The following DCBLD1 variants were observed in gnomAD, a reference collection of about 807,000 sequenced individuals.
The protein encoded by DCBLD1 is discoidin, CUB and LCCL domain containing 1, also known as discoidin, CUB and LCCL domain-containing protein 1.
In DCBLD1, 57 loss-of-function variants were observed where a neutral mutation model predicts 71.5. That is an observed-to-expected ratio of 0.80 (90% CI 0.64 to 0.99). DCBLD1 has a LOEUF of 0.99. Among genes scored for constraint, DCBLD1 ranks in the 50% least tolerant of loss-of-function variants. The pLI is 0.00. For synonymous variants in DCBLD1, 380 were observed against 363.8 expected (o/e 1.04, Z -0.51); for missense variants, 891 against 923.5 (o/e 0.96, Z 0.46).
intron 1 of DCBLD1, among the ~76,000 whole-genome samples, chr6:117,503,120 A>G (rs1234838106): frequency 1.3e-5 from 2 of 152,280 alleles, no homozygotes; most frequent in East Asian, 3.9e-4. Context: ...TTGTGTTTCC[A>G]GCTTTTAATA....
At position 117,538,817 on chromosome 6, in the gene DCBLD1, G is replaced by C. The variant is rs1320375153; in HGVS notation, c.958G>C (p.Glu320Gln). ...PREWLEIDLG[E>Q]KKKITGIRTT... The stretch of plus-strand genomic sequence containing the variant: ...AGAGTGGCTGGAGATCGATTTGGGG[G>C]AGAAAAAGAAAATAACAGGTGCAGA... Residue 320 changes from glutamate to glutamine, a missense_variant, in exon 8 of 15, where the codon GAG (glutamate) becomes CAG (glutamine). Coordinates refer to ENST00000338728, the MANE Select transcript of DCBLD1 (RefSeq NM_001366458.2). 6.2e-7 allele frequency: 1 copy of C among 1,613,204 alleles called. No homozygotes were observed. Among genetic ancestry groups the C allele is most frequent in the Non-Finnish European group, 8.5e-7 (1 of 1,179,640 alleles).
intron 4 of DCBLD1, among the ~76,000 whole-genome samples, chr6:117,524,202 T>G (rs1778473530): frequency 6.8e-6 from 1 of 147,210 alleles, no homozygotes; most frequent in Admixed American, 6.8e-5. Flanking sequence ...GAATCCTAAT[T>G]TTTTTTTTTT....
intron 5 of DCBLD1, among the ~76,000 whole-genome samples, chr6:117,528,825 A>G (rs546504553): frequency 6.6e-6 from 1 of 152,262 alleles, no homozygotes; most frequent in East Asian, 1.9e-4. Flanking sequence ...AGTAAAATGC[A>G]TTAGGGAAGC....
chr6:117,524,574 G>A (rs1778487053), intron 4 of DCBLD1, among the ~76,000 whole-genome samples: 1 of 152,050 alleles, frequency 6.6e-6, no homozygotes, highest in South Asian at 2.1e-4. Context: ...ATGTAGGCCA[G>A]ACCATCTAAT....
At chr6:117,517,749 C>T (rs777759661) in intron 2 of DCBLD1, among the ~76,000 whole-genome samples, 40 of 152,166 alleles carry the variant, frequency 2.6e-4, no homozygotes, top group Non-Finnish European at 5.0e-4. Context: ...AGTCCTGGCC[C>T]GAGTTCTACG....
intron 13 of DCBLD1, among the ~76,000 whole-genome samples, chr6:117,545,015 C>CT (rs533107242): frequency 8.9e-4 from 132 of 149,104 alleles, no homozygotes; most frequent in Non-Finnish European, 1.3e-3. Context: ...CCCGTCTGGT[C>CT]TTTTTCTCAC....
intron 1 of DCBLD1, among the ~76,000 whole-genome samples, chr6:117,497,512 G>T (rs531565949): frequency 6.6e-6 from 1 of 152,308 alleles, no homozygotes; most frequent in South Asian, 2.1e-4. Flanking sequence ...AAAGTAGCTT[G>T]TATATCGACA....
intron 6 of DCBLD1, among the ~76,000 whole-genome samples, chr6:117,533,270 TG>T (rs1778783326): frequency 6.6e-6 from 1 of 152,108 alleles, no homozygotes; most frequent in African/African-American, 2.4e-5. Context: ...GATCCAGAAG[TG>T]GGGGAAAAAA....
At position 117,518,806 on chromosome 6, in the gene DCBLD1, A is replaced by G. The variant is rs192597096; in HGVS notation, c.326-1010A>G. ...CCTCCCACCAGGTCCCTCCCACAAC[A>G]CATGGGAATTCAAGATGAGATTTAG... On this transcript the variant is annotated intron_variant, in intron 2 of 14. Coordinates refer to ENST00000338728, the MANE Select transcript of DCBLD1 (RefSeq NM_001366458.2). Among the ~76,000 whole-genome samples the G allele has an allele frequency of 1.2e-4, 18 of 152,276 alleles. No individual in the cohort carries two copies. In the East Asian group the frequency reaches 3.1e-3, roughly 26 times the overall value.
intron 6 of DCBLD1, among the ~76,000 whole-genome samples, chr6:117,535,938 A>G (rs1325042332): frequency 4.6e-5 from 7 of 152,170 alleles, no homozygotes; most frequent in Non-Finnish European, 1.0e-4. Context: ...TTTCTCATGT[A>G]AGTAATGATT....
chr6:117,561,140 G>C (rs1271191162), intron 14 of DCBLD1: 1 of 224,114 alleles, frequency 4.5e-6, no homozygotes, highest in East Asian at 6.4e-5. Context: ...CTGACCTGTG[G>C]AGTTTTAAAC....
chr6:117,549,464 C>T lies in DCBLD1; in HGVS notation c.*1025C>T. ...GAGGCGTCTGTAATTCCAGAACAGTCCAGACATCAGCTGTACCTCATGCTC... is the reference window on the plus strand; with the variant it reads ...GAGGCGTCTGTAATTCCAGAACAGTTCAGACATCAGCTGTACCTCATGCTC... On this transcript the variant is annotated 3_prime_UTR_variant, in exon 15 of 15. Coordinates refer to ENST00000338728, the MANE Select transcript of DCBLD1 (RefSeq NM_001366458.2). 8.1e-6 allele frequency: 8 copies of T among 985,342 alleles called. No homozygotes were observed. Among genetic ancestry groups the T allele is most frequent in the Non-Finnish European group, 9.6e-6 (8 of 829,928 alleles). The allele number at this position is 985,342 out of a possible 1,614,324, so 61.0% of individuals were successfully genotyped here.
intron 14 of DCBLD1, among the ~76,000 whole-genome samples, chr6:117,569,069 G>A (rs1779755246): frequency 6.6e-6 from 1 of 152,172 alleles, no homozygotes; most frequent in Admixed American, 6.5e-5. Flanking sequence ...TGGCAACTTT[G>A]AGTAAATCCT....
Position 117,548,225 on chromosome 6 carries a change from T to C in DCBLD1, c.1934T>C (p.Val645Ala), listed in dbSNP as rs1779342964. The change falls in exon 15 of 15, where the codon GTG (valine) becomes GCG (alanine). Residue 645 changes from valine (V) to alanine (A), a missense_variant. Transcript: ENST00000338728. ...SSGGFSPVAG[V>A]GAQDGDYQRP... is the part of the protein sequence containing the mutation. ...GGCGGCTTCTCCCCCGTAGCGGGTG[T>C]GGGCGCCCAGGACGGAGACTATCAA... is the stretch of plus-strand genomic sequence containing the variant. The C allele has an allele frequency of 9.7e-6, 15 of 1,550,498 alleles. No homozygotes were observed. Among genetic ancestry groups the C allele is most frequent in the Non-Finnish European group, 1.3e-5 (15 of 1,146,964 alleles).
intron 14 of DCBLD1, among the ~76,000 whole-genome samples, chr6:117,558,062 A>G (rs1370830786): frequency 2.6e-5 from 4 of 152,218 alleles, no homozygotes; most frequent in African/African-American, 9.7e-5. Context: ...TCTTAAGACC[A>G]ACAGTCCAGT....
Position 117,503,803 on chromosome 6 carries a change from G to A in DCBLD1, c.149G>A (p.Ser50Asn). Residue 50 changes from serine (S) to asparagine (N), a missense_variant, in exon 2 of 15, where the codon AGT becomes AAT. Ser to Asn is a conservative substitution (Grantham distance 46). Transcript: ENST00000338728. ...GCGHLVTYQD[S>N]GTMTSKNYPG... ...GGACACCTAGTGACTTATCAGGATAGTGGCACAATGACATCTAAGAATTAT... is the reference window on the plus strand; with the variant it reads ...GGACACCTAGTGACTTATCAGGATAATGGCACAATGACATCTAAGAATTAT... The A allele has an allele frequency of 6.2e-7, 1 of 1,614,018 alleles. No individual in the cohort carries two copies. The highest frequency in any genetic ancestry group is 8.5e-7 in the Non-Finnish European group (1 of 1,179,982).
At chr6:117,560,232 T>C (rs1779556320) in intron 14 of DCBLD1, 1 of 168,394 alleles carries the variant, frequency 5.9e-6, no homozygotes, top group Non-Finnish European at 1.3e-5. Context: ...TTGGTACAAA[T>C]AATAGAACTA....
intron 2 of DCBLD1, among the ~76,000 whole-genome samples, chr6:117,514,849 A>T (rs556998700): frequency 6.6e-6 from 1 of 152,214 alleles, no homozygotes; most frequent in African/African-American, 2.4e-5. Context: ...GGTCTAGGAA[A>T]TCATATATAT....
Position 117,530,178 on chromosome 6 carries a change from G to A in DCBLD1, c.586-2082G>A, listed in dbSNP as rs546113915. On this transcript the variant is annotated intron_variant, in intron 5 of 14. Coordinates refer to ENST00000338728, the MANE Select transcript of DCBLD1 (RefSeq NM_001366458.2). ...CTGCATGGGTCCTATAATATAAACG[G>A]TGTACTGGGTACCCTTTAGAATCAC... 3.3e-5 allele frequency among the ~76,000 whole-genome samples: 5 copies of A among 152,290 alleles called. No individual in the cohort carries two copies. The East Asian group carries it at 9.6e-4, about 29-fold the overall frequency.
Sources: gnomAD v4.1 joint callset for allele counts (sites outside exome capture counted in the v4.1 genomes callset) on GRCh38, gnomAD v4.1.1 for gene constraint, MANE v1.5 for transcripts, NCBI Gene and HGNC (gene_info 2026-07-23, HGNC 2026-07-21) for gene names.